Variants in NXPE2 observed in about 807,000 individuals in gnomAD.
The protein encoded by NXPE2 is neurexophilin and PC-esterase domain family member 2.
A neutral mutation model predicts 34.4 loss-of-function variants in NXPE2; 34 were observed. That is an observed-to-expected ratio of 0.99 (90% CI 0.75 to 1.31). The LOEUF (loss-of-function observed/expected upper bound fraction) is 1.31, where lower values mean the gene tolerates loss of function less well. Ranked by LOEUF, NXPE2 falls within the 40% of genes most tolerant of loss-of-function variation. NXPE2 has a pLI of 0.00. For synonymous variants in NXPE2, 235 were observed against 231.3 expected (o/e 1.02, Z -0.15); for missense variants, 649 against 672.5 (o/e 0.97, Z 0.39).
the NXPE2 span, among the ~76,000 whole-genome samples, chr11:114,727,774 A>AACACACACACACACACACACACAC: frequency 7.8e-6 from 1 of 127,584 alleles, no homozygotes; most frequent in African/African-American, 2.9e-5. Flanking sequence ...ATGTGTACAC[A>AACACACACACACACACACACACAC]ACACACACAC....
chr11:114,729,854 A>G, the NXPE2 span, among the ~76,000 whole-genome samples: 6 of 152,116 alleles, frequency 3.9e-5, no homozygotes, highest in Admixed American at 1.3e-4. Context: ...TCTGTAGGTT[A>G]TCTGTATACT....
chr11:114,650,475 G>C, the NXPE2 span, among the ~76,000 whole-genome samples: 1 of 152,162 alleles, frequency 6.6e-6, no homozygotes, highest in Admixed American at 6.5e-5. Flanking sequence ...GGAAGTAATT[G>C]GCAGCAGCTA....
the NXPE2 span, among the ~76,000 whole-genome samples, chr11:114,581,044 T>C: frequency 4.6e-5 from 7 of 152,340 alleles, no homozygotes; most frequent in Admixed American, 4.6e-4. Flanking sequence ...ATAACATTTC[T>C]ACATCTAGGT....
intron 2 of NXPE2, among the ~76,000 whole-genome samples, chr11:114,695,049 G>T (rs1414901418): frequency 6.6e-6 from 1 of 152,098 alleles, no homozygotes. Flanking sequence ...CTGGAACTGA[G>T]ATAGGCCTTT....
the NXPE2 span, chr11:114,595,739 T>G: frequency 6.6e-6 from 1 of 152,340 alleles, no homozygotes; most frequent in African/African-American, 2.4e-5. Flanking sequence ...TTTGTTTACC[T>G]TTAGCATGGA....
the NXPE2 span, among the ~76,000 whole-genome samples, chr11:114,585,694 T>C: frequency 1.3e-5 from 2 of 152,130 alleles, no homozygotes; most frequent in Middle Eastern, 3.4e-3. Flanking sequence ...ATTATTTAGG[T>C]AGACAGTGAG....
At chr11:114,756,934 T>C in the NXPE2 span, among the ~76,000 whole-genome samples, 11 of 152,150 alleles carry the variant, frequency 7.2e-5, no homozygotes, top group Admixed American at 1.3e-4. Flanking sequence ...CATGGCAGCA[T>C]TGGATGGATT....
chr11:114,533,681 C>G, the NXPE2 span, among the ~76,000 whole-genome samples: 1 of 152,228 alleles, frequency 6.6e-6, no homozygotes, highest in Non-Finnish European at 1.5e-5. Flanking sequence ...CGGAGCCTTG[C>G]TCATTGCTAG....
At chr11:114,530,997 A>G in the NXPE2 span, 1 of 1,303,492 alleles carries the variant, frequency 7.7e-7, no homozygotes, top group African/African-American at 1.5e-5. Context: ...TTTACAGTGA[A>G]TATTTGTATA....
At chr11:114,580,305 A>C in the NXPE2 span, 2 of 1,614,046 alleles carry the variant, frequency 1.2e-6, no homozygotes, top group Admixed American at 3.3e-5. Context: ...TGTCATTCCA[A>C]ACTTGCATTT....
chr11:114,607,265 A>G, the NXPE2 span, among the ~76,000 whole-genome samples: 1 of 150,626 alleles, frequency 6.6e-6, no homozygotes, highest in East Asian at 2.0e-4. Flanking sequence ...GTGTTGCCTC[A>G]TGGGTAACCA....
chr11:114,535,884 G>A, the NXPE2 span, among the ~76,000 whole-genome samples: 1 of 152,102 alleles, frequency 6.6e-6, no homozygotes. Context: ...GAGACAGAAA[G>A]TTAACAAGGA....
the NXPE2 span, among the ~76,000 whole-genome samples, chr11:114,642,829 G>C: frequency 6.6e-6 from 1 of 152,038 alleles, no homozygotes; most frequent in Non-Finnish European, 1.5e-5. Context: ...GATCCTTGAG[G>C]AATCGCCACA....
At chr11:114,760,711 C>G in the NXPE2 span, among the ~76,000 whole-genome samples, 3 of 152,064 alleles carry the variant, frequency 2.0e-5, no homozygotes, top group African/African-American at 7.2e-5. Context: ...AGACTTTTCC[C>G]ACTCCTTCTC....
At chr11:114,495,663 G>A in the NXPE2 span, among the ~76,000 whole-genome samples, 65 of 152,114 alleles carry the variant, frequency 4.3e-4, no homozygotes, top group Non-Finnish European at 3.4e-4. Context: ...CCCAAGGCCT[G>A]AAGTGAGTAC....
the NXPE2 span, among the ~76,000 whole-genome samples, chr11:114,762,214 TG>T: frequency 1.3e-5 from 2 of 152,142 alleles, no homozygotes; most frequent in South Asian, 2.1e-4. Flanking sequence ...GAGATGGGCC[TG>T]GGTTGGGAAG....
chr11:114,710,426 A>G (rs1473679216), downstream of NXPE2, among the ~76,000 whole-genome samples: 2 of 152,202 alleles, frequency 1.3e-5, no homozygotes, highest in Non-Finnish European at 2.9e-5. Flanking sequence ...AATGGATGTC[A>G]CAGAAATAAA....
chr11:114,766,600 T>C, the NXPE2 span, among the ~76,000 whole-genome samples: 1 of 151,790 alleles, frequency 6.6e-6, no homozygotes. Context: ...CTGTTCCTTC[T>C]TTCCCCTTCA....
chr11:114,520,684 G>A, the NXPE2 span, among the ~76,000 whole-genome samples: 1 of 152,184 alleles, frequency 6.6e-6, no homozygotes, highest in Non-Finnish European at 1.5e-5. Flanking sequence ...CTGCCATACT[G>A]TTTTCCATAA....
Sources: allele counts gnomAD v4.1 joint callset (sites outside exome capture counted in the v4.1 genomes callset), GRCh38; gene constraint gnomAD v4.1.1; transcripts MANE v1.5; gene names NCBI Gene and HGNC (gene_info 2026-07-23, HGNC 2026-07-21).